PEX3: variants seen among roughly 807,000 people sequenced by gnomAD.
The protein encoded by PEX3 is peroxin-3.
Under a neutral mutation model 55.8 loss-of-function variants are expected in PEX3, and 30 were observed. That is an observed-to-expected ratio of 0.54 (90% CI 0.40 to 0.73). The LOEUF is 0.73. Among genes scored for constraint, PEX3 ranks in the 30% least tolerant of loss-of-function variants. PEX3 has a pLI of 0.00. For synonymous variants in PEX3, 135 were observed against 148.4 expected (o/e 0.91, Z 0.66); for missense variants, 351 against 432.8 (o/e 0.81, Z 1.68).
At chr6:143,452,781 G>A (rs1165510005) in intron 1 of PEX3, among the ~76,000 whole-genome samples, 1 of 152,182 alleles carries the variant, frequency 6.6e-6, no homozygotes, top group Non-Finnish European at 1.5e-5. Flanking sequence ...AAGTTCTACA[G>A]TGTGTTAGAT....
rs1584019875 is a variant in PEX3 at position 143,487,715 on chromosome 6, T to C, written c.1039-1428T>C. Among the ~76,000 whole-genome samples, 1 of 152,232 alleles carries C rather than the reference T, an allele frequency of 6.6e-6. No homozygotes were observed. On this transcript the variant is annotated intron_variant, in intron 11 of 11. Transcript: ENST00000367591. The surrounding 1 kb of genome is among the most constrained non-coding windows in gnomAD (Gnocchi z 5.3). Reference sequence around the variant, plus strand: ...GCATTCAGCCTGCATTTTCTGAAGCTGACTTGCTAGTATTTTTTTTTTTAT... The same window carrying C: ...GCATTCAGCCTGCATTTTCTGAAGCCGACTTGCTAGTATTTTTTTTTTTAT...
chr6:143,484,373 A>G lies in PEX3; in HGVS notation c.942-779A>G, dbSNP rs537668558. 2.6e-5 allele frequency among the ~76,000 whole-genome samples: 4 copies of G among 152,268 alleles called. No homozygotes were observed. In the South Asian group the frequency reaches 6.2e-4, roughly 24 times the overall value. On this transcript the variant is annotated intron_variant, in intron 10 of 11. Transcript: ENST00000367591. ...ACTTATTTGAATATAGGCAAGGGAA[A>G]GAAGTGCCAAGGATTTTCAAAAGAT...
rs927230343 is a variant in PEX3, at chr6:143,462,439, T to C, written c.206-477T>C. ...TTTTGTCTAGGTTATAATAAATGTT[T>C]ATTACTTTGTAGTATTTAATAAACT... On this transcript the variant is annotated intron_variant, in intron 2 of 11. Coordinates refer to ENST00000367591, the MANE Select transcript of PEX3 (RefSeq NM_003630.3). This position sits in a 1 kb window ranked among gnomAD's most constrained non-coding sequence, Gnocchi z 4.1. Among the ~76,000 whole-genome samples the C allele has an allele frequency of 6.6e-6, 1 of 152,204 alleles. No individual in the cohort carries two copies. The highest frequency in any genetic ancestry group is 2.4e-5 in the African/African-American group (1 of 41,456).
chr6:143,453,630 G>C lies in PEX3; in HGVS notation c.73+2515G>C, dbSNP rs776291854. Among the ~76,000 whole-genome samples, 8 of 152,120 alleles carry C rather than the reference G, an allele frequency of 5.3e-5. No individual in the cohort carries two copies. The highest frequency in any genetic ancestry group is 7.4e-5 in the Non-Finnish European group (5 of 68,018). On this transcript the variant is annotated intron_variant, in intron 1 of 11. Coordinates refer to ENST00000367591, the MANE Select transcript of PEX3 (RefSeq NM_003630.3). The surrounding 1 kb of genome is among the most constrained non-coding windows in gnomAD (Gnocchi z 4.6). Reference sequence around the variant, plus strand: ...TTTACAATGTAAGGCAAGTAGAAAGGCTTCCTTATGAAGATTTGCCTGACA... The same window carrying C: ...TTTACAATGTAAGGCAAGTAGAAAGCCTTCCTTATGAAGATTTGCCTGACA...
At position 143,451,400 on chromosome 6, in the gene PEX3, T is replaced by A. The variant is rs887962199; in HGVS notation, c.73+285T>A. Among the ~76,000 whole-genome samples, 2 of 152,144 alleles carry A rather than the reference T, an allele frequency of 1.3e-5. No individual in the cohort carries two copies. Among genetic ancestry groups the A allele is most frequent in the Non-Finnish European group, 2.9e-5 (2 of 68,016 alleles). The stretch of plus-strand genomic sequence containing the variant: ...AACTCATCACAGTTTAAGTTTCTGT[T>A]TCAAGGCACCATTCTCTTACAGGAA... On this transcript the variant is annotated intron_variant, in intron 1 of 11. Transcript: ENST00000367591. This position sits in a 1 kb window ranked among gnomAD's most constrained non-coding sequence, Gnocchi z 4.1.
At position 143,462,473 on chromosome 6, in the gene PEX3, A is replaced by C. The variant is rs917041272; in HGVS notation, c.206-443A>C. On this transcript the variant is annotated intron_variant, in intron 2 of 11. Coordinates refer to ENST00000367591, the MANE Select transcript of PEX3 (RefSeq NM_003630.3). This position sits in a 1 kb window ranked among gnomAD's most constrained non-coding sequence, Gnocchi z 4.1. The stretch of plus-strand genomic sequence containing the variant: ...GTAGTATTTAATAAACTTTTTAAAA[A>C]TTAGAATGAAAAATGAAGGAAAAAG... Among the ~76,000 whole-genome samples, 8 of 152,236 alleles carry C rather than the reference A, an allele frequency of 5.3e-5. No homozygotes were observed. Among genetic ancestry groups the C allele is most frequent in the Non-Finnish European group, 1.2e-4 (8 of 68,030 alleles).
chr6:143,460,010 C>T (rs35477783), intron 2 of PEX3, among the ~76,000 whole-genome samples: 2,619 of 152,308 alleles, frequency 0.017, 32 homozygotes, highest in Non-Finnish European at 0.027. Context: ...ACTGGCATAA[C>T]TGAAGAATTA....
rs1471133035 is a variant in PEX3 at position 143,453,657 on chromosome 6, C to T, written c.73+2542C>T. On this transcript the variant is annotated intron_variant, in intron 1 of 11. Coordinates refer to ENST00000367591, the MANE Select transcript of PEX3 (RefSeq NM_003630.3). The surrounding 1 kb of genome is among the most constrained non-coding windows in gnomAD (Gnocchi z 4.6). The stretch of plus-strand genomic sequence containing the variant: ...TTCCTTATGAAGATTTGCCTGACAT[C>T]TTCACACTTTCCTCACTCATGCGAT... Among the ~76,000 whole-genome samples, 1 of 152,136 alleles carries T rather than the reference C, an allele frequency of 6.6e-6. No individual in the cohort carries two copies. The highest frequency in any genetic ancestry group is 2.4e-5 in the African/African-American group (1 of 41,420).
In PEX3 at chr6:143,482,762, A is replaced by T. The variant is rs2128747796; in HGVS notation, c.942-2390A>T. 6.6e-6 allele frequency among the ~76,000 whole-genome samples: 1 copy of T among 152,208 alleles called. No individual in the cohort carries two copies. The highest frequency in any genetic ancestry group is 1.9e-4 in the East Asian group (1 of 5,190). Reference sequence around the variant, plus strand: ...AATATATGTTGGTAAGACGAATAACAATTAGTCATTTTACAATGACTAATA... The same window carrying T: ...AATATATGTTGGTAAGACGAATAACTATTAGTCATTTTACAATGACTAATA... On this transcript the variant is annotated intron_variant, in intron 10 of 11. Coordinates refer to ENST00000367591, the MANE Select transcript of PEX3 (RefSeq NM_003630.3). The surrounding 1 kb of genome is among the most constrained non-coding windows in gnomAD (Gnocchi z 5.5).
chr6:143,486,110 G>A lies in PEX3; in HGVS notation c.1038+862G>A, dbSNP rs1044300499. On this transcript the variant is annotated intron_variant, in intron 11 of 11. Transcript: ENST00000367591. The surrounding 1 kb of genome is among the most constrained non-coding windows in gnomAD (Gnocchi z 5.0). ...CCTTTCACTGTGGTGTCATCAGCCT[G>A]TCCTTCACATGCACATTTTCCCACA... Among the ~76,000 whole-genome samples, 1 of 152,050 alleles carries A rather than the reference G, an allele frequency of 6.6e-6. No homozygotes were observed. Among genetic ancestry groups the A allele is most frequent in the Non-Finnish European group, 1.5e-5 (1 of 67,984 alleles).
chr6:143,471,721 C>T lies in PEX3; in HGVS notation c.578+110C>T. The T allele has an allele frequency of 1.2e-6, 1 of 822,150 alleles. No individual in the cohort carries two copies. Among genetic ancestry groups the T allele is most frequent in the Non-Finnish European group, 2.1e-6 (1 of 471,264 alleles). 50.9% of individuals were successfully genotyped at this position (822,150 alleles called of 1,614,324 possible). A position where few individuals can be genotyped will look rare whatever the true frequency, so the allele number is the denominator to read the frequency against. Reference sequence around the variant, plus strand: ...TTGACAAACGGTGATTTGTGAAACTCTTTGTAATAAAATCAGATACCATCC... The same window carrying T: ...TTGACAAACGGTGATTTGTGAAACTTTTTGTAATAAAATCAGATACCATCC... On this transcript the variant is annotated intron_variant, in intron 7 of 11. Coordinates refer to ENST00000367591, the MANE Select transcript of PEX3 (RefSeq NM_003630.3). The surrounding 1 kb of genome is among the most constrained non-coding windows in gnomAD (Gnocchi z 5.4).
intron 1 of PEX3, among the ~76,000 whole-genome samples, chr6:143,452,179 T>C (rs1292569821): frequency 2.0e-5 from 3 of 152,228 alleles, no homozygotes; most frequent in Non-Finnish European, 4.4e-5. Context: ...ATTTTGGTGA[T>C]GCTTGAAAGT....
Position 143,490,436 on chromosome 6 carries a change from G to A in PEX3, c.*1210G>A, listed in dbSNP as rs1780370496. 1 of 192,708 alleles carries A rather than the reference G, an allele frequency of 5.2e-6. No individual in the cohort carries two copies. The highest frequency in any genetic ancestry group is 6.3e-5 in the Admixed American group (1 of 15,824). 11.9% of individuals were successfully genotyped at this position (192,708 alleles called of 1,614,324 possible). A position where few individuals can be genotyped will look rare whatever the true frequency, so the allele number is the denominator to read the frequency against. ...CTGCCAGGGAGTTTGTGTCTAGAAT[G>A]TTTTTAAAAATAGGTAGTGGAGCCA... On this transcript the variant is annotated 3_prime_UTR_variant, in exon 12 of 12. Transcript: ENST00000367591. The surrounding 1 kb of genome is among the most constrained non-coding windows in gnomAD (Gnocchi z 6.0).
Position 143,458,007 on chromosome 6 carries a change from A to G in PEX3, c.74-1078A>G, listed in dbSNP as rs552152062. Among the ~76,000 whole-genome samples the G allele has an allele frequency of 1.3e-5, 2 of 152,352 alleles. No individual in the cohort carries two copies. Among genetic ancestry groups the G allele is most frequent in the Non-Finnish European group, 2.9e-5 (2 of 68,018 alleles). ...CATATGAATATTACTAAAATGTTTT[A>G]GCTAGTCCAGTATCTTGAAAACCAT... On this transcript the variant is annotated intron_variant, in intron 1 of 11. Coordinates refer to ENST00000367591, the MANE Select transcript of PEX3 (RefSeq NM_003630.3). This position sits in a 1 kb window ranked among gnomAD's most constrained non-coding sequence, Gnocchi z 6.1.
At chr6:143,477,771 C>T (rs1780174207) in intron 9 of PEX3, among the ~76,000 whole-genome samples, 1 of 151,866 alleles carries the variant, frequency 6.6e-6, no homozygotes, top group African/African-American at 2.4e-5. Flanking sequence ...TTACAGTAAC[C>T]CTAGGAGGTA....
chr6:143,475,903 A>C lies in PEX3; in HGVS notation c.818+1047A>C, dbSNP rs962174675. ...TATCTCATTGAATTATTCATCAACT[A>C]TGTATTGGCTGTCTGTGGTATATTA... On this transcript the variant is annotated intron_variant, in intron 9 of 11. Coordinates refer to ENST00000367591, the MANE Select transcript of PEX3 (RefSeq NM_003630.3). The surrounding 1 kb of genome is among the most constrained non-coding windows in gnomAD (Gnocchi z 4.4). Among the ~76,000 whole-genome samples, 3 of 152,220 alleles carry C rather than the reference A, an allele frequency of 2.0e-5. No individual in the cohort carries two copies. The highest frequency in any genetic ancestry group is 4.4e-5 in the Non-Finnish European group (3 of 68,038).
chr6:143,460,761 G>A (rs183298173), intron 2 of PEX3, among the ~76,000 whole-genome samples: 152 of 152,028 alleles, frequency 1.0e-3, no homozygotes, highest in Non-Finnish European at 1.6e-3. Context: ...CTACTTGGGA[G>A]GCTGAGGCAG....
intron 1 of PEX3, among the ~76,000 whole-genome samples, chr6:143,455,036 C>T (rs551582665): frequency 8.3e-4 from 127 of 152,222 alleles, no homozygotes; most frequent in Non-Finnish European, 1.5e-3. Context: ...ATCCTTTATT[C>T]CAGATTCTGA....
intron 4 of PEX3, among the ~76,000 whole-genome samples, chr6:143,468,789 C>A: frequency 7.5e-6 from 1 of 132,954 alleles, no homozygotes; most frequent in Non-Finnish European, 1.6e-5. Context: ...TTAGGTATAT[C>A]TCCTAATGCT....
Sources: gnomAD v4.1 joint callset for allele counts (sites outside exome capture counted in the v4.1 genomes callset) on GRCh38, gnomAD v4.1.1 for gene constraint, Gnocchi (gnomAD v3.1) non-coding constraint, MANE v1.5 for transcripts, NCBI Gene and HGNC (gene_info 2026-07-23, HGNC 2026-07-21) for gene names.